The following MAGI1 variants were observed in gnomAD, a reference collection of about 807,000 sequenced individuals.
MAGI1 encodes the protein membrane-associated guanylate kinase, WW and PDZ domain-containing protein 1.
Under a neutral mutation model 139.9 loss-of-function variants are expected in MAGI1, and 58 were observed. The observed-to-expected ratio is 0.41, with a 90% CI of 0.34 to 0.52. The LOEUF (loss-of-function observed/expected upper bound fraction) is 0.52, where lower values mean the gene tolerates loss of function less well. Among genes scored for constraint, MAGI1 ranks in the 20% least tolerant of loss-of-function variants. The pLI is 0.12. For synonymous variants in MAGI1, 812 were observed against 737.9 expected, an observed-to-expected ratio of 1.10 and a Z score of -1.63; for missense variants, 1,874 against 1,901.6, an observed-to-expected ratio of 0.99 and a Z score of 0.27.
intron 1 of MAGI1, among the ~76,000 whole-genome samples, chr3:65,707,663 C>T (rs948285975): frequency 7.3e-6 from 1 of 137,700 alleles, no homozygotes; most frequent in Non-Finnish European, 1.5e-5. Context: ...GCACGGCAAA[C>T]TGGGTGACAG....
intron 1 of MAGI1, among the ~76,000 whole-genome samples, chr3:65,764,557 CT>C (rs1239141985): frequency 6.6e-6 from 1 of 152,080 alleles, no homozygotes; most frequent in African/African-American, 2.4e-5. Flanking sequence ...TTCAATTTAC[CT>C]TAAAGTTTTA....
intron 12 of MAGI1, among the ~76,000 whole-genome samples, chr3:65,418,283 A>C (rs1204237643): frequency 1.3e-5 from 2 of 152,168 alleles, no homozygotes; most frequent in Non-Finnish European, 2.9e-5. Flanking sequence ...CTCCCTAACT[A>C]GATTGTGAGT....
chr3:65,566,453 G>GTC (rs1195782851), intron 2 of MAGI1, among the ~76,000 whole-genome samples: 1 of 149,104 alleles, frequency 6.7e-6, no homozygotes, highest in African/African-American at 2.5e-5. Context: ...TTTTTCCATA[G>GTC]TTAACACAAA....
At chr3:65,953,390 T>C (rs2063959191) in intron 1 of MAGI1, among the ~76,000 whole-genome samples, 1 of 152,134 alleles carries the variant, frequency 6.6e-6, no homozygotes. Flanking sequence ...TAAAATATGC[T>C]ACAGGAGAAT....
intron 2 of MAGI1, chr3:65,609,740 A>T (rs1237191534): frequency 6.2e-6 from 2 of 324,912 alleles, no homozygotes; most frequent in African/African-American, 4.3e-5. Flanking sequence ...GTGCACCACC[A>T]TACCTGGGTA....
At chr3:65,906,504 A>G (rs761382738) in intron 1 of MAGI1, among the ~76,000 whole-genome samples, 6 of 152,214 alleles carry the variant, frequency 3.9e-5, no homozygotes, top group Non-Finnish European at 7.3e-5. Context: ...GCCCTCCACA[A>G]AAGTATCCAC....
intron 1 of MAGI1, among the ~76,000 whole-genome samples, chr3:65,692,096 T>C (rs890321922): frequency 6.6e-6 from 1 of 152,122 alleles, no homozygotes; most frequent in African/African-American, 2.4e-5. Context: ...AGTATAGGTA[T>C]ATAAGACCTT....
intron 1 of MAGI1, among the ~76,000 whole-genome samples, chr3:65,661,076 A>C (rs2086164190): frequency 6.6e-6 from 1 of 152,206 alleles, no homozygotes; most frequent in South Asian, 2.1e-4. Flanking sequence ...ACATCAGTTT[A>C]GAGCTCTAAA....
At position 65,452,262 on chromosome 3, in the gene MAGI1, G is replaced by A. The variant is rs117052807; in HGVS notation, c.1042+996C>T. On this transcript the variant is annotated intron_variant, in intron 6 of 22. Coordinates refer to ENST00000402939, the MANE Select transcript of MAGI1 (RefSeq NM_001033057.2). Reference sequence around the variant, plus strand: ...TCATTTAACGTAATCTGCAAACCATGTATAATAGAAGGATCATGGAGTGCA... The same window carrying A: ...TCATTTAACGTAATCTGCAAACCATATATAATAGAAGGATCATGGAGTGCA... 2.0e-5 allele frequency among the ~76,000 whole-genome samples: 3 copies of A among 152,184 alleles called. No individual in the cohort carries two copies. In the East Asian group the frequency reaches 5.8e-4, roughly 29 times the overall value.
intron 12 of MAGI1, chr3:65,401,775 A>C (rs969508369): frequency 4.3e-6 from 6 of 1,385,816 alleles, no homozygotes; most frequent in Non-Finnish European, 4.7e-6. Context: ...ACTTGGACAG[A>C]ATCTCAAATG....
intron 1 of MAGI1, among the ~76,000 whole-genome samples, chr3:65,839,152 T>C (rs983752610): frequency 6.6e-5 from 10 of 152,176 alleles, no homozygotes; most frequent in Non-Finnish European, 8.8e-5. Flanking sequence ...ACATATACAA[T>C]GGTGGTCCCA....
chr3:65,830,110 A>T (rs915081667), intron 1 of MAGI1, among the ~76,000 whole-genome samples: 1 of 152,218 alleles, frequency 6.6e-6, no homozygotes, highest in African/African-American at 2.4e-5. Flanking sequence ...GACCACCAGC[A>T]CTGCCCAGAT....
chr3:65,963,648 G>A (rs1015717611), intron 1 of MAGI1, among the ~76,000 whole-genome samples: 1 of 151,890 alleles, frequency 6.6e-6, no homozygotes, highest in African/African-American at 2.4e-5. Context: ...TAATGACAAT[G>A]TAATGTAGGA....
intron 1 of MAGI1, among the ~76,000 whole-genome samples, chr3:66,018,811 T>C (rs1370027005): frequency 2.6e-5 from 4 of 152,200 alleles, no homozygotes; most frequent in Admixed American, 1.3e-4. Flanking sequence ...TTTCAAGTCA[T>C]TGCTTGTCAA....
intron 2 of MAGI1, among the ~76,000 whole-genome samples, chr3:65,559,061 A>T (rs1466476560): frequency 6.6e-6 from 1 of 152,018 alleles, no homozygotes; most frequent in East Asian, 1.9e-4. Context: ...GGTGAAGTTT[A>T]AAAAAAAGTC....
At chr3:65,392,690 TTC>T (rs1944030110) in intron 13 of MAGI1, among the ~76,000 whole-genome samples, 1 of 152,218 alleles carries the variant, frequency 6.6e-6, no homozygotes, top group Non-Finnish European at 1.5e-5. Flanking sequence ...CTTCATTTAA[TTC>T]TCAGGTCCCT....
intron 1 of MAGI1, among the ~76,000 whole-genome samples, chr3:65,778,857 G>A (rs900929559): frequency 2.0e-5 from 3 of 152,188 alleles, no homozygotes; most frequent in East Asian, 3.9e-4. Context: ...ATACTCCAGA[G>A]GTCCTCAACC....
At position 65,919,434 on chromosome 3, in the gene MAGI1, G is replaced by T. The variant is rs568380836; in HGVS notation, c.313+118562C>A. On this transcript the variant is annotated intron_variant, in intron 1 of 22. Transcript: ENST00000402939. Reference sequence around the variant, plus strand: ...TTTAAATTGGCCAGGAGTGGCGCACGCTCCTGTGGTCCCAGCTACTTGGGA... The same window carrying T: ...TTTAAATTGGCCAGGAGTGGCGCACTCTCCTGTGGTCCCAGCTACTTGGGA... 2.0e-3 allele frequency among the ~76,000 whole-genome samples: 306 copies of T among 151,952 alleles called. 1 individual carries two copies. The highest frequency in any genetic ancestry group is 6.8e-3 in the African/African-American group (282 of 41,472).
At chr3:65,845,270 G>C (rs1462707799) in intron 1 of MAGI1, among the ~76,000 whole-genome samples, 2 of 151,346 alleles carry the variant, frequency 1.3e-5, no homozygotes, top group South Asian at 4.2e-4. Flanking sequence ...AAAGAGAAGA[G>C]AAGAGAAGAA....
Sources: allele counts gnomAD v4.1 joint callset (sites outside exome capture counted in the v4.1 genomes callset), GRCh38; gene constraint gnomAD v4.1.1; transcripts MANE v1.5; gene names NCBI Gene and HGNC (gene_info 2026-07-23, HGNC 2026-07-21).